LANCL2: variants seen among roughly 807,000 people sequenced by gnomAD.
LANCL2 encodes LanC like glutathione S-transferase 2.
LANCL2 carries 33 observed loss-of-function variants against 56.9 expected under a neutral mutation model. The ratio of observed to expected loss-of-function variants is 0.58; its 90% CI spans 0.44 to 0.78. LANCL2 has a LOEUF of 0.78. Among genes scored for constraint, LANCL2 ranks in the 30% least tolerant of loss-of-function variants. LANCL2 has a pLI of 0.00. For missense variants in LANCL2, 562 were observed against 580.2 expected (o/e 0.97, Z 0.32); for synonymous variants, 233 against 228.2 (o/e 1.02, Z -0.19).
At chr7:55,418,982 A>C (rs536327126) in intron 6 of LANCL2, among the ~76,000 whole-genome samples, 1 of 152,120 alleles carries the variant, frequency 6.6e-6, no homozygotes, top group African/African-American at 2.4e-5. Context: ...CTTGGGCATG[A>C]TTTTTATCCT....
intron 1 of LANCL2, among the ~76,000 whole-genome samples, chr7:55,389,869 A>G (rs1790165623): frequency 6.6e-6 from 1 of 152,216 alleles, no homozygotes; most frequent in Non-Finnish European, 1.5e-5. Context: ...AATGTACATA[A>G]ATATCTGTAT....
At chr7:55,399,528 A>T (rs1224815659) in intron 3 of LANCL2, among the ~76,000 whole-genome samples, 1 of 152,126 alleles carries the variant, frequency 6.6e-6, no homozygotes, top group African/African-American at 2.4e-5. Flanking sequence ...TTTTTAGTAG[A>T]GACGGGGTTT....
At position 55,398,476 on chromosome 7, in the gene LANCL2, C is replaced by T. The variant is rs372879017; in HGVS notation, c.376C>T (p.Leu126=). 1 of 1,614,198 alleles carries T rather than the reference C, an allele frequency of 6.2e-7. No homozygotes were observed. Among genetic ancestry groups the T allele is most frequent in the Non-Finnish European group, 8.5e-7 (1 of 1,180,032 alleles). Residue 126 remains leucine (L), a synonymous_variant, in exon 3 of 9, where the codon CTG becomes TTG. Coordinates refer to ENST00000254770, the MANE Select transcript of LANCL2 (RefSeq NM_018697.4). ...CCGGGTCACATGTGACCAAACCTACCTGCTCCGATCCCTGGATTACGTAAA... is the reference window on the plus strand; with the variant it reads ...CCGGGTCACATGTGACCAAACCTACTTGCTCCGATCCCTGGATTACGTAAA... ...LYRVTCDQTY[L]LRSLDYVKRT...
At chr7:55,376,356 A>G (rs910055600) in intron 1 of LANCL2, among the ~76,000 whole-genome samples, 1 of 152,220 alleles carries the variant, frequency 6.6e-6, no homozygotes, top group Non-Finnish European at 1.5e-5. Context: ...CATGGGGCTC[A>G]GGATCCACCA....
At chr7:55,419,755 A>G (rs1790589048) in intron 6 of LANCL2, among the ~76,000 whole-genome samples, 1 of 152,194 alleles carries the variant, frequency 6.6e-6, no homozygotes, top group Non-Finnish European at 1.5e-5. Flanking sequence ...ATCAGTCTAG[A>G]TAGCAGCTGT....
rs757959749 is a variant in LANCL2 at position 55,398,536 on chromosome 7, A to T, written c.436A>T (p.Thr146Ser). The T allele has an allele frequency of 1.5e-5, 25 of 1,614,050 alleles. No individual in the cohort carries two copies. Among genetic ancestry groups the T allele is most frequent in the Non-Finnish European group, 1.9e-5 (22 of 1,180,030 alleles). ...TLRNLNGRRV[T>S]FLCGDAGPLA... ...TCGGAATCTGAATGGCCGCAGGGTCACCTTCCTCTGTGGGGATGCTGGCCC... is the reference window on the plus strand; with the variant it reads ...TCGGAATCTGAATGGCCGCAGGGTCTCCTTCCTCTGTGGGGATGCTGGCCC... Residue 146 changes from threonine (T) to serine (S), a missense_variant, in exon 3 of 9, where the codon ACC (threonine) becomes TCC (serine). Physicochemically the swap from Thr to Ser is moderately conservative, Grantham distance 58. Coordinates refer to ENST00000254770, the MANE Select transcript of LANCL2 (RefSeq NM_018697.4).
In LANCL2 at chr7:55,431,394, C is replaced by A; in HGVS notation, c.*74C>A. 1 of 1,009,664 alleles carries A rather than the reference C, an allele frequency of 9.9e-7. No individual in the cohort carries two copies. The highest frequency in any genetic ancestry group is 1.5e-5 in the South Asian group (1 of 67,162). The allele number at this position is 1,009,664 out of a possible 1,614,324, so 62.5% of individuals were successfully genotyped here. A position where few individuals can be genotyped will look rare whatever the true frequency, so the allele number is the denominator to read the frequency against. On this transcript the variant is annotated 3_prime_UTR_variant, in exon 9 of 9. Transcript: ENST00000254770. Reference sequence around the variant, plus strand: ...GATTGCTTAGTGCCTGACACAGAAACAACTGGGAATCCTGAAAGAGAAGCA... The same window carrying A: ...GATTGCTTAGTGCCTGACACAGAAAAAACTGGGAATCCTGAAAGAGAAGCA...
At chr7:55,414,437 C>T (rs939242124) in intron 6 of LANCL2, among the ~76,000 whole-genome samples, 7 of 152,132 alleles carry the variant, frequency 4.6e-5, no homozygotes, top group African/African-American at 1.7e-4. Context: ...ATTTTCTTCT[C>T]CTGGCATATG....
chr7:55,425,570 C>A, intron 7 of LANCL2, 140 bp downstream of exon 7: 1 of 757,448 alleles, frequency 1.3e-6, no homozygotes, highest in Non-Finnish European at 2.1e-6. Flanking sequence ...CTGGCACAGC[C>A]TTATCTGTGG....
chr7:55,375,142 A>T (rs1186210320), intron 1 of LANCL2, among the ~76,000 whole-genome samples: 1 of 152,212 alleles, frequency 6.6e-6, no homozygotes, highest in African/African-American at 2.4e-5. Flanking sequence ...CATGTTGAAC[A>T]CTTGTTTTTA....
At chr7:55,384,827 A>G (rs1790107177) in intron 1 of LANCL2, among the ~76,000 whole-genome samples, 1 of 152,210 alleles carries the variant, frequency 6.6e-6, no homozygotes. Context: ...TCCTTCAAGA[A>G]TGAAGGCAAA....
intron 6 of LANCL2, among the ~76,000 whole-genome samples, chr7:55,416,247 G>T (rs1262433916): frequency 6.6e-6 from 1 of 152,122 alleles, no homozygotes; most frequent in East Asian, 1.9e-4. Flanking sequence ...TGGGCCAATT[G>T]TGTATCTTCC....
Position 55,365,925 on chromosome 7 carries a change from G to A in LANCL2, c.-101G>A, listed in dbSNP as rs1253219324. On this transcript the variant is annotated 5_prime_UTR_variant, in exon 1 of 9. Transcript: ENST00000254770. ...AGCGCGCGGCCTCGCTCCTCCTAGAGGACGCTCTCTGCGCGGGCCCTCGGA... is the reference window on the plus strand; with the variant it reads ...AGCGCGCGGCCTCGCTCCTCCTAGAAGACGCTCTCTGCGCGGGCCCTCGGA... 9.4e-6 allele frequency: 9 copies of A among 952,554 alleles called. No individual in the cohort carries two copies. Among genetic ancestry groups the A allele is most frequent in the Non-Finnish European group, 1.2e-5 (8 of 679,652 alleles). 59.0% of individuals were successfully genotyped at this position (952,554 alleles called of 1,614,324 possible).
Position 55,432,589 on chromosome 7 carries a change from G to C in LANCL2, c.*1269G>C, listed in dbSNP as rs1790742096. The C allele has an allele frequency of 6.6e-6, 1 of 152,228 alleles. No individual in the cohort carries two copies. The highest frequency in any genetic ancestry group is 1.5e-5 in the Non-Finnish European group (1 of 68,040). The allele number at this position is 152,228 out of a possible 1,614,324, so 9.4% of individuals were successfully genotyped here. ...CTAAGGCTTGTGTCATGAAAGACAAGAGGCCTCTCTTAACAGCCCAGTCCT... is the reference window on the plus strand; with the variant it reads ...CTAAGGCTTGTGTCATGAAAGACAACAGGCCTCTCTTAACAGCCCAGTCCT... On this transcript the variant is annotated 3_prime_UTR_variant, in exon 9 of 9. Transcript: ENST00000254770.
At chr7:55,402,858 C>T (rs1430663194) in intron 5 of LANCL2, among the ~76,000 whole-genome samples, 5 of 146,048 alleles carry the variant, frequency 3.4e-5, no homozygotes, top group African/African-American at 5.1e-5. Context: ...AGGGCAGAGG[C>T]GCTCCCCACA....
chr7:55,381,107 G>C (rs1449078313), intron 1 of LANCL2, among the ~76,000 whole-genome samples: 1 of 152,114 alleles, frequency 6.6e-6, no homozygotes, highest in Admixed American at 6.6e-5. Flanking sequence ...CTGACCTCAG[G>C]TGTTCTACCC....
At chr7:55,392,021 G>A (rs567741895) in intron 2 of LANCL2, 111 bp downstream of exon 2, 171 of 621,018 alleles carry the variant, frequency 2.8e-4, no homozygotes, top group Non-Finnish European at 4.4e-4. Flanking sequence ...GGCCAGGCAC[G>A]GTGGCTGACG....
intron 1 of LANCL2, among the ~76,000 whole-genome samples, chr7:55,386,574 G>A (rs4948023): frequency 0.36 from 54,798 of 151,992 alleles, 10,396 homozygotes; most frequent in East Asian, 0.55. Flanking sequence ...CTGGTCGTAA[G>A]TTGGGCACAG....
In LANCL2 at chr7:55,365,953, A is replaced by AGGC. The variant is rs1462845012; in HGVS notation, c.-64_-62dup. Reference sequence around the variant, plus strand: ...CGCTCTCTGCGCGGGCCCTCGGAGGAGGCGGCGGCGGGGCGAGCTGCAGCG... The same window carrying AGGC: ...CGCTCTCTGCGCGGGCCCTCGGAGGAGGCGGCGGCGGCGGGGCGAGCTGCAGCG... On this transcript the variant is annotated 5_prime_UTR_variant, in exon 1 of 9. Coordinates refer to ENST00000254770, the MANE Select transcript of LANCL2 (RefSeq NM_018697.4). 2 of 1,212,470 alleles carry AGGC rather than the reference A, an allele frequency of 1.6e-6. No homozygotes were observed. The highest frequency in any genetic ancestry group is 3.8e-5 in the Admixed American group (1 of 26,424). The allele number at this position is 1,212,470 out of a possible 1,614,324, so 75.1% of individuals were successfully genotyped here. A position where few individuals can be genotyped will look rare whatever the true frequency, so the allele number is the denominator to read the frequency against.
Sources: allele counts gnomAD v4.1 joint callset (sites outside exome capture counted in the v4.1 genomes callset), GRCh38; gene constraint gnomAD v4.1.1; transcripts MANE v1.5; gene names NCBI Gene and HGNC (gene_info 2026-07-23, HGNC 2026-07-21).